The following MRPL48 variants were observed in gnomAD, a reference collection of about 807,000 sequenced individuals.
The protein encoded by MRPL48 is large ribosomal subunit protein mL48.
Under a neutral mutation model 32.9 loss-of-function variants are expected in MRPL48, and 16 were observed. The observed-to-expected ratio is 0.49, with a 90% confidence interval of 0.33 to 0.74. The LOEUF (loss-of-function observed/expected upper bound fraction) is 0.74, where lower values mean the gene tolerates loss of function less well. Ranked by LOEUF, MRPL48 falls within the 30% of genes least tolerant of loss-of-function variation. The pLI is 0.02. For synonymous variants in MRPL48, 94 were observed against 89.2 expected (o/e 1.05, Z -0.31); for missense variants, 206 against 245.3 (o/e 0.84, Z 1.07).
At chr11:73,837,882 C>G (rs1948131113) in intron 4 of MRPL48, among the ~76,000 whole-genome samples, 1 of 152,174 alleles carries the variant, frequency 6.6e-6, no homozygotes, top group Admixed American at 6.6e-5. Flanking sequence ...GAGTCTCGCA[C>G]TGTTGCCCGG....
At chr11:73,840,173 G>C (rs543757434) in intron 4 of MRPL48, among the ~76,000 whole-genome samples, 1 of 151,664 alleles carries the variant, frequency 6.6e-6, no homozygotes, top group Middle Eastern at 3.5e-3. Flanking sequence ...ATAAAAAATA[G>C]CTTCTCATCA....
At chr11:73,814,463 G>A (rs2134984391) in intron 3 of MRPL48, among the ~76,000 whole-genome samples, 1 of 152,198 alleles carries the variant, frequency 6.6e-6, no homozygotes, top group South Asian at 2.1e-4. Flanking sequence ...GGGAGGCTGA[G>A]GCCAGTGGAT....
chr11:73,803,230 C>G (rs1156553489), intron 1 of MRPL48, among the ~76,000 whole-genome samples: 1 of 151,658 alleles, frequency 6.6e-6, no homozygotes, highest in Non-Finnish European at 1.5e-5. Flanking sequence ...CAGGTTCAAG[C>G]GATTCTCCTG....
chr11:73,849,239 C>T (rs941010950), intron 5 of MRPL48, among the ~76,000 whole-genome samples: 2 of 152,196 alleles, frequency 1.3e-5, no homozygotes, highest in East Asian at 1.9e-4. Context: ...CAGGTTCAAG[C>T]GATTCTCCTG....
intron 5 of MRPL48, among the ~76,000 whole-genome samples, chr11:73,854,191 G>C (rs1185157430): frequency 6.6e-6 from 1 of 152,104 alleles, no homozygotes; most frequent in Admixed American, 6.5e-5. Flanking sequence ...TTTTCCCTTT[G>C]GCTTTTACTT....
At chr11:73,805,892 C>T (rs1947442871) in intron 2 of MRPL48, among the ~76,000 whole-genome samples, 1 of 152,074 alleles carries the variant, frequency 6.6e-6, no homozygotes, top group South Asian at 2.1e-4. Flanking sequence ...CTCCTGGGCT[C>T]AAGTGATCTG....
rs1019070694 is a variant in MRPL48, at chr11:73,788,127, C to T, written c.21+135C>T. 1.3e-5 allele frequency: 17 copies of T among 1,330,784 alleles called. No homozygotes were observed. The African/African-American group carries it at 2.4e-4, about 19-fold the overall frequency. The allele number at this position is 1,330,784 out of a possible 1,614,324, so 82.4% of individuals were successfully genotyped here. ...ATGAGACACTGGGGCGCCCAAGGTC[C>T]TTCCCAGCAGCACATGCGGCTGCCT... On this transcript the variant is annotated intron_variant, in intron 1 of 7. Coordinates refer to ENST00000310614, the MANE Select transcript of MRPL48 (RefSeq NM_016055.6).
intron 7 of MRPL48, 61 bp from the exon 8 acceptor site, chr11:73,864,235 A>G (rs1478948650): frequency 1.3e-6 from 2 of 1,500,652 alleles, no homozygotes; most frequent in African/African-American, 1.4e-5. Flanking sequence ...GATGCTGTGC[A>G]TATCTGGGTA....
At chr11:73,859,160 A>C (rs1443912138) in intron 5 of MRPL48, among the ~76,000 whole-genome samples, 2 of 152,230 alleles carry the variant, frequency 1.3e-5, no homozygotes, top group African/African-American at 4.8e-5. Context: ...AGGTTGAGAA[A>C]TCCTGTTCTA....
At chr11:73,820,087 C>T (rs1947747492) in intron 3 of MRPL48, among the ~76,000 whole-genome samples, 1 of 152,148 alleles carries the variant, frequency 6.6e-6, no homozygotes, top group Admixed American at 6.6e-5. Flanking sequence ...TCTAATCTCC[C>T]TATTTCCTTC....
At chr11:73,802,298 T>C (rs1299528757) in intron 1 of MRPL48, 1 of 152,252 alleles carries the variant, frequency 6.6e-6, no homozygotes, top group Non-Finnish European at 1.5e-5. Flanking sequence ...GGACAGAGAT[T>C]GTGCATACAT....
intron 4 of MRPL48, among the ~76,000 whole-genome samples, chr11:73,829,912 AT>A (rs1947963030): frequency 6.6e-6 from 1 of 151,544 alleles, no homozygotes; most frequent in Non-Finnish European, 1.5e-5. Flanking sequence ...TTACAGGAGT[AT>A]ACCACTACAC....
intron 4 of MRPL48, among the ~76,000 whole-genome samples, chr11:73,827,255 G>A (rs1346119348): frequency 6.6e-6 from 1 of 151,930 alleles, no homozygotes; most frequent in Admixed American, 6.6e-5. Context: ...ATGGTGGCGC[G>A]TGCCTGTAAT....
intron 3 of MRPL48, among the ~76,000 whole-genome samples, chr11:73,823,368 T>G (rs1477601835): frequency 1.3e-5 from 2 of 152,184 alleles, no homozygotes; most frequent in Non-Finnish European, 2.9e-5. Context: ...TGCCCATATC[T>G]TGATGCCATA....
At chr11:73,829,240 G>A (rs934664157) in intron 4 of MRPL48, among the ~76,000 whole-genome samples, 1 of 152,138 alleles carries the variant, frequency 6.6e-6, no homozygotes, top group African/African-American at 2.4e-5. Context: ...TCTTCACCTG[G>A]CTAATTCCTC....
intron 4 of MRPL48, among the ~76,000 whole-genome samples, chr11:73,829,364 T>C (rs541761442): frequency 1.7e-4 from 26 of 152,248 alleles, no homozygotes; most frequent in South Asian, 4.1e-4. Flanking sequence ...TTCTTTCTTT[T>C]TTTTTTTCTT....
chr11:73,805,441 C>G (rs1182739778), intron 2 of MRPL48, among the ~76,000 whole-genome samples: 1 of 151,648 alleles, frequency 6.6e-6, no homozygotes, highest in African/African-American at 2.4e-5. Flanking sequence ...GCATTACATG[C>G]ACCTGCCACC....
At chr11:73,805,357 C>T (rs550316633) in intron 2 of MRPL48, among the ~76,000 whole-genome samples, 16 of 150,138 alleles carry the variant, frequency 1.1e-4, no homozygotes, top group South Asian at 2.1e-4. Flanking sequence ...AGTGCAGTGG[C>T]GTGATCTTGG....
intron 5 of MRPL48, among the ~76,000 whole-genome samples, chr11:73,859,480 T>C (rs919174853): frequency 6.6e-5 from 10 of 151,890 alleles, no homozygotes; most frequent in African/African-American, 2.4e-4. Context: ...AGGGTCTTAC[T>C]GTGTTGCCCA....
Sources: gnomAD v4.1 joint callset for allele counts (sites outside exome capture counted in the v4.1 genomes callset) on GRCh38, gnomAD v4.1.1 for gene constraint, MANE v1.5 for transcripts, NCBI Gene and HGNC (gene_info 2026-07-23, HGNC 2026-07-21) for gene names.